Variants in DNAJC13 observed in about 807,000 individuals in gnomAD.
DNAJC13 encodes the protein dnaJ homolog subfamily C member 13.
Under a neutral mutation model 290.5 loss-of-function variants are expected in DNAJC13, and 75 were observed. That is an observed-to-expected ratio of 0.26 (90% CI 0.21 to 0.31). The LOEUF is 0.31. Among genes scored for constraint, DNAJC13 ranks in the 10% least tolerant of loss-of-function variants. DNAJC13 has a pLI of 1.00. For missense variants in DNAJC13, 2,260 were observed against 2,674.5 expected (o/e 0.85, Z 3.42); for synonymous variants, 862 against 892.0 (o/e 0.97, Z 0.60).
At chr3:132,467,580 C>A (rs1355756557) in intron 20 of DNAJC13, among the ~76,000 whole-genome samples, 2 of 152,164 alleles carry the variant, frequency 1.3e-5, no homozygotes, top group East Asian at 3.9e-4. Context: ...ATTCTCCTGC[C>A]TCAGCCTCCC....
At chr3:132,419,933 C>CT (rs1938906318) in intron 1 of DNAJC13, among the ~76,000 whole-genome samples, 1 of 152,202 alleles carries the variant, frequency 6.6e-6, no homozygotes, top group African/African-American at 2.4e-5. Flanking sequence ...GTAACTACCT[C>CT]TGGCTTTGGC....
In DNAJC13 at chr3:132,478,012, T is replaced by C. The variant is rs1459421463; in HGVS notation, c.2581T>C (p.Phe861Leu). 6.2e-7 allele frequency: 1 copy of C among 1,611,200 alleles called. No individual in the cohort carries two copies. The highest frequency in any genetic ancestry group is 8.5e-7 in the Non-Finnish European group (1 of 1,179,364). ...YEFFNELYHR[F>L]LLTPKVNMKC... ...ATTTTTCAATGAGCTTTATCATCGC[T>C]TCTTGCTCACCCCAAAAGTAAACAT... The change falls in exon 24 of 56, where the codon TTC becomes CTC. Residue 861 changes from phenylalanine to leucine, a missense_variant. Coordinates refer to ENST00000260818, the MANE Select transcript of DNAJC13 (RefSeq NM_015268.4).
At chr3:132,514,367 T>A (rs980698786) in intron 45 of DNAJC13, among the ~76,000 whole-genome samples, 1 of 152,142 alleles carries the variant, frequency 6.6e-6, no homozygotes, top group Non-Finnish European at 1.5e-5. Context: ...TGTATGGGTA[T>A]AGGATTGAAG....
At chr3:132,492,335 T>G in intron 32 of DNAJC13, 79 bp from the exon 33 acceptor site, 1 of 1,351,454 alleles carries the variant, frequency 7.4e-7, no homozygotes, top group Admixed American at 1.8e-5. Flanking sequence ...CATGTAACTA[T>G]CTTACATGAT....
intron 55 of DNAJC13, among the ~76,000 whole-genome samples, 154 bp downstream of exon 55, chr3:132,531,251 G>A (rs536165331): frequency 2.0e-5 from 3 of 152,292 alleles, no homozygotes; most frequent in Non-Finnish European, 4.4e-5. Context: ...GTAGACATAT[G>A]GTCTTAGCTT....
At chr3:132,492,799 T>TA (rs1391091780) in intron 33 of DNAJC13, among the ~76,000 whole-genome samples, 184 bp downstream of exon 33, 5 of 151,982 alleles carry the variant, frequency 3.3e-5, no homozygotes, top group Non-Finnish European at 7.4e-5. Context: ...CACTGAAAGA[T>TA]AATTTTTTAA....
chr3:132,444,324 T>C (rs1012381938), intron 2 of DNAJC13, among the ~76,000 whole-genome samples: 9 of 152,248 alleles, frequency 5.9e-5, no homozygotes, highest in African/African-American at 1.9e-4. Flanking sequence ...AATTTTGCCA[T>C]GTCAGAAAGT....
chr3:132,506,541 C>CTTTT lies in DNAJC13; in HGVS notation c.4999-670_4999-667dup, dbSNP rs34151394. ...TTTAGCACTTTTGTTCAGTGTATTA[C>CTTTT]TTTTTTTTTTTTTTTTTTTTTTTTT... On this transcript the variant is annotated intron_variant, in intron 42 of 55. Transcript: ENST00000260818. Among the ~76,000 whole-genome samples the CTTTT allele has an allele frequency of 2.4e-4, 13 of 54,754 alleles. 3 individuals carry two copies. Among genetic ancestry groups the CTTTT allele is most frequent in the African/African-American group, 3.5e-4 (3 of 8,674 alleles). The allele number at this position is 54,754 out of a possible 152,430, so 35.9% of individuals were successfully genotyped here.
At chr3:132,497,480 A>G (rs1256855359) in intron 36 of DNAJC13, among the ~76,000 whole-genome samples, 2 of 137,488 alleles carry the variant, frequency 1.5e-5, no homozygotes, top group African/African-American at 3.2e-5. Context: ...AACTAAAGAC[A>G]AGAGATGGTG....
chr3:132,428,958 C>T (rs992030543), intron 1 of DNAJC13, among the ~76,000 whole-genome samples: 10 of 151,846 alleles, frequency 6.6e-5, no homozygotes, highest in African/African-American at 2.4e-4. Flanking sequence ...TGGTCTCAAA[C>T]TCCTGACTTT....
At chr3:132,470,614 G>C (rs1201530201) in intron 20 of DNAJC13, among the ~76,000 whole-genome samples, 1 of 144,946 alleles carries the variant, frequency 6.9e-6, no homozygotes, top group East Asian at 2.1e-4. Context: ...CCGGGCGGGG[G>C]GGCTGACCCC....
rs548034789 is a variant in DNAJC13 at position 132,420,630 on chromosome 3, T to A, written c.-14+2870T>A. 2.0e-5 allele frequency among the ~76,000 whole-genome samples: 3 copies of A among 152,136 alleles called. No homozygotes were observed. In the South Asian group the frequency reaches 6.2e-4, roughly 32 times the overall value. The stretch of plus-strand genomic sequence containing the variant: ...AATACTACTAGGAAAGGAACAAGAT[T>A]ATGCAAAGAGGCACAACACAAAGAA... On this transcript the variant is annotated intron_variant, in intron 1 of 55. Transcript: ENST00000260818.
Position 132,511,056 on chromosome 3 carries a change from G to C in DNAJC13, c.5116-11G>C, listed in dbSNP as rs1362443687. 15 of 1,613,034 alleles carry C rather than the reference G, an allele frequency of 9.3e-6. No homozygotes were observed. Among genetic ancestry groups the C allele is most frequent in the Non-Finnish European group, 1.3e-5 (15 of 1,179,340 alleles). On this transcript the variant is annotated splice_polypyrimidine_tract_variant and intron_variant, in intron 43 of 55. Coordinates refer to ENST00000260818, the MANE Select transcript of DNAJC13 (RefSeq NM_015268.4). ...ACCCATGTTGTTTAAATACTTGTCT[G>C]CATTGATTAGGTTCCAAAAGCATTT...
intron 2 of DNAJC13, among the ~76,000 whole-genome samples, chr3:132,435,086 G>T (rs1183723826): frequency 6.6e-6 from 1 of 152,110 alleles, no homozygotes; most frequent in Non-Finnish European, 1.5e-5. Context: ...TTTTCTTTGG[G>T]AGGGAGTGAT....
At chr3:132,446,418 T>C (rs1933245592) in intron 2 of DNAJC13, 57 bp from the exon 3 acceptor site, 1 of 1,229,532 alleles carries the variant, frequency 8.1e-7, no homozygotes, top group Non-Finnish European at 1.2e-6. Context: ...ATATATATTT[T>C]CTTATAAAAT....
intron 35 of DNAJC13, among the ~76,000 whole-genome samples, chr3:132,496,103 T>C (rs895383190): frequency 6.6e-6 from 1 of 152,162 alleles, no homozygotes. Context: ...TTACTATCTC[T>C]AAGTTGCAGC....
rs200244570 is a variant in DNAJC13, at chr3:132,496,652, G to A, written c.4145G>A (p.Arg1382His). 79 of 1,605,066 alleles carry A rather than the reference G, an allele frequency of 4.9e-5. No homozygotes were observed. In the East Asian group the frequency reaches 5.4e-4, roughly 11 times the overall value. ...ILKTQSILFN[R>H]HKEDLQPYKY... The stretch of plus-strand genomic sequence containing the variant: ...AAAACACAGAGCATCCTCTTCAACC[G>A]TCATAAAGAAGGTAAGATGTCTGTT... Residue 1382 changes from arginine (R) to histidine (H), a missense_variant, in exon 36 of 56, where the codon CGT becomes CAT. By Grantham distance (29) the Arg-to-His change is conservative. Coordinates refer to ENST00000260818, the MANE Select transcript of DNAJC13 (RefSeq NM_015268.4).
At chr3:132,513,982 A>G (rs1158627300) in intron 45 of DNAJC13, among the ~76,000 whole-genome samples, 2 of 152,200 alleles carry the variant, frequency 1.3e-5, no homozygotes, top group African/African-American at 4.8e-5. Context: ...AAAACTTTAA[A>G]TTGGTCAAAG....
chr3:132,436,394 A>T (rs1475578313), intron 2 of DNAJC13, among the ~76,000 whole-genome samples: 1 of 152,220 alleles, frequency 6.6e-6, no homozygotes. Context: ...ACTTCATTTC[A>T]TTAATGTCAT....
Sources: allele counts gnomAD v4.1 joint callset (sites outside exome capture counted in the v4.1 genomes callset), GRCh38; gene constraint gnomAD v4.1.1; transcripts MANE v1.5; gene names NCBI Gene and HGNC (gene_info 2026-07-23, HGNC 2026-07-21).